The following TBC1D32 variants were observed in gnomAD, a reference collection of about 807,000 sequenced individuals.
TBC1D32 encodes TBC1 domain family member 32, also known as protein broad-minded.
A neutral mutation model predicts 170.3 loss-of-function variants in TBC1D32; 151 were observed. That is an observed-to-expected ratio of 0.89 (90% CI 0.78 to 1.01). The LOEUF is 1.01. TBC1D32 is among the 50% of genes least tolerant of loss of function. The pLI, the probability that TBC1D32 is intolerant of heterozygous loss-of-function variation, is 0.00. For synonymous variants in TBC1D32, 498 were observed against 488.0 expected (o/e 1.02, Z -0.27); for missense variants, 1,464 against 1,457.1 (o/e 1.00, Z -0.08).
chr6:121,170,266 C>G (rs757849762), intron 22 of TBC1D32: 36 of 875,162 alleles, frequency 4.1e-5, no homozygotes, highest in Non-Finnish European at 5.8e-5. Flanking sequence ...TACACTTTAG[C>G]TGCTTTGTAT....
intron 21 of TBC1D32, among the ~76,000 whole-genome samples, chr6:121,215,580 A>G (rs575713870): frequency 1.3e-5 from 2 of 152,350 alleles, no homozygotes; most frequent in South Asian, 4.1e-4. Context: ...AACCTATAGT[A>G]TGAGAGAAAA....
chr6:121,189,338 A>G (rs1368024150), intron 22 of TBC1D32, among the ~76,000 whole-genome samples: 3 of 152,098 alleles, frequency 2.0e-5, no homozygotes, highest in Non-Finnish European at 4.4e-5. Context: ...CAGGATTTCC[A>G]TGCTGAACAT....
At position 121,263,734 on chromosome 6, in the gene TBC1D32, A is replaced by G. The variant is rs150630859; in HGVS notation, c.1734-7449T>C. On this transcript the variant is annotated intron_variant, in intron 15 of 31. Coordinates refer to ENST00000398212, the MANE Select transcript of TBC1D32 (RefSeq NM_152730.6). ...CAGCAAATGCAAAAGAAATGAAATCATTATAGACAGTCTCTCAAACCACAG... is the reference window on the plus strand; with the variant it reads ...CAGCAAATGCAAAAGAAATGAAATCGTTATAGACAGTCTCTCAAACCACAG... Among the ~76,000 whole-genome samples, 3 of 152,338 alleles carry G rather than the reference A, an allele frequency of 2.0e-5. No homozygotes were observed. The East Asian group carries it at 5.8e-4, about 29-fold the overall frequency.
At chr6:121,086,318 TC>T (rs1302242595) in intron 31 of TBC1D32, among the ~76,000 whole-genome samples, 4 of 152,054 alleles carry the variant, frequency 2.6e-5, no homozygotes, top group African/African-American at 9.7e-5. Flanking sequence ...CCAGATAGAA[TC>T]AAGTAATATA....
chr6:121,235,901 A>G (rs1382962641), intron 20 of TBC1D32, among the ~76,000 whole-genome samples: 2 of 152,206 alleles, frequency 1.3e-5, no homozygotes, highest in Admixed American at 6.5e-5. Flanking sequence ...TCTTAATCCT[A>G]AAGTTAATTT....
chr6:121,274,521 A>AG (rs1323382448), intron 15 of TBC1D32, among the ~76,000 whole-genome samples: 32 of 151,990 alleles, frequency 2.1e-4, no homozygotes, highest in Admixed American at 2.1e-3. Flanking sequence ...AGAAAAAAAA[A>AG]AAGAAGAAAT....
intron 24 of TBC1D32, among the ~76,000 whole-genome samples, chr6:121,152,837 T>C (rs1333454761): frequency 6.6e-6 from 1 of 152,140 alleles, no homozygotes; most frequent in East Asian, 1.9e-4. Flanking sequence ...TCGTGCTGTG[T>C]TTTTCAGTTC....
upstream of TBC1D32, chr6:121,334,529 G>C: frequency 7.1e-7 from 1 of 1,407,366 alleles, no homozygotes; most frequent in Non-Finnish European, 9.5e-7. Context: ...CCGGCTACGT[G>C]CGGCGTCGTT....
chr6:121,321,572 G>A (rs549317746), intron 2 of TBC1D32, 61 bp downstream of exon 2: 1 of 1,484,906 alleles, frequency 6.7e-7, no homozygotes, highest in African/African-American at 1.4e-5. Context: ...AGAGATCAGG[G>A]TGCTGTCAAG....
intron 11 of TBC1D32, among the ~76,000 whole-genome samples, chr6:121,292,691 T>G (rs902270327): frequency 7.2e-5 from 11 of 152,136 alleles, no homozygotes; most frequent in African/African-American, 2.7e-4. Flanking sequence ...AAGACACCAA[T>G]CTAAAACAAA....
chr6:121,253,691 C>A (rs1441820056), intron 17 of TBC1D32, among the ~76,000 whole-genome samples: 1 of 152,040 alleles, frequency 6.6e-6, no homozygotes, highest in Non-Finnish European at 1.5e-5. Context: ...TGCACTCCAG[C>A]CTGGGCGACA....
At chr6:121,115,482 T>C in intron 26 of TBC1D32, 1 of 332,950 alleles carries the variant, frequency 3.0e-6, no homozygotes, top group Non-Finnish European at 5.4e-6. Flanking sequence ...ATAACAATAG[T>C]AGTTTTAAAA....
In TBC1D32 at chr6:121,092,309, T is replaced by G. The variant is rs1035701296; in HGVS notation, c.3466-1268A>C. 7.1e-3 allele frequency among the ~76,000 whole-genome samples: 1,028 copies of G among 144,642 alleles called. 7 individuals are homozygous for G. The highest frequency in any genetic ancestry group is 0.034 in the South Asian group (149 of 4,352). 94.9% of individuals were successfully genotyped at this position (144,642 alleles called of 152,430 possible). On this transcript the variant is annotated intron_variant, in intron 30 of 31. Transcript: ENST00000398212. ...CAGTTTTATGTTTTTTTTTTTTTTT[T>G]TTTTTTTTTTTTTTGGAGATGTGGG... is the stretch of plus-strand genomic sequence containing the variant.
intron 19 of TBC1D32, among the ~76,000 whole-genome samples, chr6:121,240,663 C>T (rs560633091): frequency 6.6e-5 from 10 of 151,438 alleles, no homozygotes; most frequent in East Asian, 3.9e-4. Flanking sequence ...CCAAGGCGGG[C>T]GAATCACCTG....
chr6:121,266,737 A>C (rs1800539223), intron 15 of TBC1D32, among the ~76,000 whole-genome samples: 1 of 152,182 alleles, frequency 6.6e-6, no homozygotes. Context: ...AGCCATAAAA[A>C]TGAATGAGCT....
At chr6:121,183,760 C>T (rs968107303) in intron 22 of TBC1D32, among the ~76,000 whole-genome samples, 75 of 151,924 alleles carry the variant, frequency 4.9e-4, no homozygotes, top group African/African-American at 1.8e-3. Context: ...TGTATGTATA[C>T]CCATTGGAAA....
At chr6:121,274,853 C>T (rs1802007782) in intron 15 of TBC1D32, among the ~76,000 whole-genome samples, 1 of 152,120 alleles carries the variant, frequency 6.6e-6, no homozygotes, top group South Asian at 2.1e-4. Context: ...TTTAATTAAA[C>T]TCCTGGACTT....
intron 26 of TBC1D32, among the ~76,000 whole-genome samples, chr6:121,124,571 T>C (rs1780636887): frequency 6.6e-6 from 1 of 152,132 alleles, no homozygotes; most frequent in Non-Finnish European, 1.5e-5. Flanking sequence ...TCTGTACATT[T>C]TTCCAGGTTT....
chr6:121,099,080 G>C (rs74427601), intron 30 of TBC1D32, among the ~76,000 whole-genome samples: 1 of 151,904 alleles, frequency 6.6e-6, no homozygotes, highest in South Asian at 2.1e-4. Context: ...TTTCATAATA[G>C]GGGGAAAAAG....
Sources: gnomAD v4.1 joint callset for allele counts (sites outside exome capture counted in the v4.1 genomes callset) on GRCh38, gnomAD v4.1.1 for gene constraint, MANE v1.5 for transcripts, NCBI Gene and HGNC (gene_info 2026-07-23, HGNC 2026-07-21) for gene names.